The following PDZD2 variants were observed in gnomAD, a reference collection of about 807,000 sequenced individuals.
PDZD2 encodes PDZ domain containing 2.
In PDZD2, 90 loss-of-function variants were observed where a neutral mutation model predicts 220.7. The ratio of observed to expected loss-of-function variants is 0.41; its 90% CI spans 0.34 to 0.49. The LOEUF (loss-of-function observed/expected upper bound fraction) is 0.49, where lower values mean the gene tolerates loss of function less well. PDZD2 is among the 20% of genes least tolerant of loss of function. The pLI is 0.28. For missense variants in PDZD2, 3,174 were observed against 3,608.5 expected (o/e 0.88, Z 3.08); for synonymous variants, 1,375 against 1,450.5 (o/e 0.95, Z 1.18).
intron 2 of PDZD2, among the ~76,000 whole-genome samples, chr5:31,965,413 G>A (rs1235395250): frequency 6.6e-6 from 1 of 151,836 alleles, no homozygotes; most frequent in South Asian, 2.1e-4. Context: ...CAAATACAGG[G>A]CACCATGATG....
At chr5:31,691,216 G>T (rs1280075044) in intron 1 of PDZD2, among the ~76,000 whole-genome samples, 1 of 151,998 alleles carries the variant, frequency 6.6e-6, no homozygotes, top group Non-Finnish European at 1.5e-5. Context: ...CCTTCGCGGT[G>T]AGTGTTACAG....
At chr5:31,840,667 C>T in intron 2 of PDZD2, 1 of 737,220 alleles carries the variant, frequency 1.4e-6, no homozygotes, top group East Asian at 2.5e-5. Flanking sequence ...AGGAAGCTGT[C>T]TTGGCTCTTA....
At chr5:31,692,237 C>G (rs1747170213) in intron 1 of PDZD2, among the ~76,000 whole-genome samples, 1 of 152,188 alleles carries the variant, frequency 6.6e-6, no homozygotes, top group Non-Finnish European at 1.5e-5. Context: ...CTGCCCGGGG[C>G]CGGTGGGGCC....
At chr5:31,939,586 G>T (rs930637462) in intron 2 of PDZD2, among the ~76,000 whole-genome samples, 2 of 152,096 alleles carry the variant, frequency 1.3e-5, no homozygotes, top group African/African-American at 4.8e-5. Context: ...AAACTACCTG[G>T]TACCACATGG....
rs34507635 is a variant in PDZD2 at position 31,886,702 on chromosome 5, C to CTT, written c.476+86990_476+86991dup. Among the ~76,000 whole-genome samples the CTT allele has an allele frequency of 6.5e-4, 84 of 129,884 alleles. 1 individual carries two copies. Among genetic ancestry groups the CTT allele is most frequent in the African/African-American group, 1.2e-3 (30 of 24,812 alleles). 85.2% of individuals were successfully genotyped at this position (129,884 alleles called of 152,430 possible). A position where few individuals can be genotyped will look rare whatever the true frequency, so the allele number is the denominator to read the frequency against. ...GTAGATTCTGCACTTGTCTCTGTCT[C>CTT]TTTTTTTTTTTTTGAGACGGAGTCT... is the stretch of plus-strand genomic sequence containing the variant. On this transcript the variant is annotated intron_variant, in intron 2 of 24. Transcript: ENST00000438447.
chr5:31,683,881 C>T (rs1283585383), intron 1 of PDZD2, among the ~76,000 whole-genome samples: 3 of 151,848 alleles, frequency 2.0e-5, no homozygotes, highest in Non-Finnish European at 4.4e-5. Flanking sequence ...AATTTGATAC[C>T]CAGTGCCATA....
At chr5:31,752,069 G>GTTTTTTTTTTTTTT (rs1491302993) in intron 1 of PDZD2, among the ~76,000 whole-genome samples, 17 of 95,848 alleles carry the variant, frequency 1.8e-4, no homozygotes, top group Non-Finnish European at 2.1e-4. Flanking sequence ...ATTGTTTTGG[G>GTTTTTTTTTTTTTT]TTTGTTTTTT....
chr5:31,710,453 G>A (rs189513478), intron 1 of PDZD2, among the ~76,000 whole-genome samples: 38 of 152,188 alleles, frequency 2.5e-4, no homozygotes, highest in Non-Finnish European at 5.3e-4. Flanking sequence ...TCCAAATTCC[G>A]GCTCTGCAGC....
intron 8 of PDZD2, chr5:32,052,374 G>GA: frequency 2.5e-6 from 1 of 395,270 alleles, no homozygotes; most frequent in South Asian, 2.8e-5. Context: ...TCAAACTCCT[G>GA]ACCTCAGGTG....
chr5:31,956,856 G>A (rs796172482), intron 2 of PDZD2, among the ~76,000 whole-genome samples: 4 of 150,912 alleles, frequency 2.7e-5, no homozygotes, highest in African/African-American at 9.7e-5. Context: ...AGCATGGATA[G>A]ATGACTTTGA....
rs570928500 is a variant in PDZD2, at chr5:32,089,627, A to G, written c.6179A>G (p.His2060Arg). Residue 2060 changes from histidine to arginine, a missense_variant, in exon 20 of 25, where the codon CAT (histidine) becomes CGT (arginine). His to Arg is a conservative substitution (Grantham distance 29). Around this residue, in one of 4 missense-constraint regions of PDZD2, gnomAD observed 1,861 missense variants for 2,001.0 expected, o/e 0.93. Transcript: ENST00000438447. ...CAGAGTGAGCCGCGCCTGGCCAGCCATGTGGCAGCAGACACAGCCCAACCC... is the reference window on the plus strand; with the variant it reads ...CAGAGTGAGCCGCGCCTGGCCAGCCGTGTGGCAGCAGACACAGCCCAACCC... ...NRQSEPRLAS[H>R]VAADTAQPRP... is the part of the protein sequence containing the mutation. 6.2e-7 allele frequency: 1 copy of G among 1,613,678 alleles called. No individual in the cohort carries two copies. Among genetic ancestry groups the G allele is most frequent in the East Asian group, 2.2e-5 (1 of 44,888 alleles).
intron 2 of PDZD2, among the ~76,000 whole-genome samples, chr5:31,853,115 GGCA>G (rs1217981933): frequency 6.6e-6 from 1 of 152,156 alleles, no homozygotes; most frequent in East Asian, 1.9e-4. Flanking sequence ...ACCACTTCCT[GGCA>G]GAAGAGTGGG....
chr5:31,803,261 C>CTTTTTTTTTTTTTTTTTTTT (rs759569783), intron 2 of PDZD2, among the ~76,000 whole-genome samples: 1 of 92,256 alleles, frequency 1.1e-5, no homozygotes, highest in Non-Finnish European at 2.0e-5. Context: ...CTGCATCTGG[C>CTTTTTTTTTTTTTTTTTTTT]TTTTTTTTTT....
At chr5:31,755,420 C>G (rs1465455731) in intron 1 of PDZD2, among the ~76,000 whole-genome samples, 1 of 152,092 alleles carries the variant, frequency 6.6e-6, no homozygotes, top group African/African-American at 2.4e-5. Context: ...GGCGCTTGCA[C>G]AGTTTGAAGG....
At position 31,994,061 on chromosome 5, in the gene PDZD2, A is replaced by G. The variant is rs561598153; in HGVS notation, c.979-1515A>G. On this transcript the variant is annotated intron_variant, in intron 3 of 24. Coordinates refer to ENST00000438447, the MANE Select transcript of PDZD2 (RefSeq NM_178140.4). ...GGGATGGAGTCTCACTGTGTCACCC[A>G]GGATGGAGCACAGTGGTGTGATCTC... Among the ~76,000 whole-genome samples, 25 of 152,252 alleles carry G rather than the reference A, an allele frequency of 1.6e-4. No homozygotes were observed. The South Asian group carries it at 4.8e-3, about 29-fold the overall frequency.
intron 1 of PDZD2, among the ~76,000 whole-genome samples, chr5:31,712,969 T>C (rs390961): frequency 0.37 from 56,797 of 152,118 alleles, 11,274 homozygotes; most frequent in East Asian, 0.6. Flanking sequence ...TTGCATTCTG[T>C]AGTAAATAAT....
intron 1 of PDZD2, among the ~76,000 whole-genome samples, chr5:31,674,119 A>G (rs1651059): frequency 0.098 from 14,849 of 152,156 alleles, 764 homozygotes; most frequent in East Asian, 0.17. Flanking sequence ...TGAGAAATAC[A>G]TTTCGGTTGT....
At chr5:31,756,004 A>T (rs1384038350) in intron 1 of PDZD2, among the ~76,000 whole-genome samples, 1 of 152,190 alleles carries the variant, frequency 6.6e-6, no homozygotes, top group Non-Finnish European at 1.5e-5. Context: ...TGTCTTTAAA[A>T]GGCTTGAAAA....
At chr5:31,959,325 C>G (rs1397396816) in intron 2 of PDZD2, among the ~76,000 whole-genome samples, 3 of 151,176 alleles carry the variant, frequency 2.0e-5, no homozygotes, top group Non-Finnish European at 4.4e-5. Context: ...TTATTTTTAA[C>G]AGGTCTTAGG....
Sources: allele counts gnomAD v4.1 joint callset (sites outside exome capture counted in the v4.1 genomes callset), GRCh38; gene constraint gnomAD v4.1.1; regional missense constraint gnomAD v4.1.1; transcripts MANE v1.5; gene names NCBI Gene and HGNC (gene_info 2026-07-23, HGNC 2026-07-21).